Variants in SORCS2 observed in about 807,000 individuals in gnomAD.
The protein encoded by SORCS2 is sortilin related VPS10 domain containing receptor 2, also known as VPS10 domain-containing receptor SorCS2.
A neutral mutation model predicts 141.6 loss-of-function variants in SORCS2; 100 were observed. That is an observed-to-expected ratio of 0.71 (90% confidence interval 0.60 to 0.83). The LOEUF is 0.83. Among genes scored for constraint, SORCS2 ranks in the 40% least tolerant of loss-of-function variants. The pLI is 0.00. For missense variants in SORCS2, 1,646 were observed against 1,560.2 expected, an observed-to-expected ratio of 1.05 and a Z score of -0.93; for synonymous variants, 789 against 676.9, an observed-to-expected ratio of 1.17 and a Z score of -2.57.
chr4:7,587,808 C>A (rs1274123474), intron 3 of SORCS2, among the ~76,000 whole-genome samples: 1 of 152,238 alleles, frequency 6.6e-6, no homozygotes, highest in Admixed American at 6.5e-5. Flanking sequence ...ATGACAGTCA[C>A]CTCCACAGTC....
chr4:7,420,503 C>G (rs1045898932), intron 2 of SORCS2, among the ~76,000 whole-genome samples: 4 of 152,190 alleles, frequency 2.6e-5, no homozygotes, highest in African/African-American at 9.7e-5. Flanking sequence ...TGTGGGGGCA[C>G]TGGAGAGGTT....
intron 1 of SORCS2, among the ~76,000 whole-genome samples, chr4:7,353,977 C>A (rs1326277240): frequency 1.3e-5 from 2 of 152,196 alleles, no homozygotes; most frequent in Non-Finnish European, 2.9e-5. Flanking sequence ...CTACTGGCAG[C>A]CCAAGAAGTA....
chr4:7,356,036 T>A (rs915327334), intron 1 of SORCS2, among the ~76,000 whole-genome samples: 4 of 152,190 alleles, frequency 2.6e-5, no homozygotes, highest in Non-Finnish European at 2.9e-5. Flanking sequence ...TGTCCACGCT[T>A]GTTGCTGCCC....
At chr4:7,362,395 A>T (rs1488190439) in intron 1 of SORCS2, among the ~76,000 whole-genome samples, 1 of 152,110 alleles carries the variant, frequency 6.6e-6, no homozygotes, top group African/African-American at 2.4e-5. Context: ...CTAGTGGAGA[A>T]TCTCAGGCCC....
intron 11 of SORCS2, among the ~76,000 whole-genome samples, chr4:7,690,721 T>G (rs1261943057): frequency 2.0e-5 from 3 of 152,098 alleles, no homozygotes; most frequent in African/African-American, 7.2e-5. Flanking sequence ...GATAGATGGG[T>G]AGGTGGATCA....
intron 2 of SORCS2, among the ~76,000 whole-genome samples, chr4:7,489,309 A>G (rs1013560262): frequency 6.6e-6 from 1 of 152,100 alleles, no homozygotes; most frequent in African/African-American, 2.4e-5. Flanking sequence ...GCCATTTCCA[A>G]GCACCCTAAA....
intron 1 of SORCS2, among the ~76,000 whole-genome samples, chr4:7,339,780 G>A (rs1012727487): frequency 2.6e-5 from 4 of 152,182 alleles, no homozygotes; most frequent in African/African-American, 4.8e-5. Context: ...GGGAGAAAGC[G>A]AAGAACCAGC....
chr4:7,292,851 C>T lies in SORCS2; in HGVS notation c.480+99725C>T, dbSNP rs143082248. Among the ~76,000 whole-genome samples the T allele has an allele frequency of 2.3e-3, 356 of 152,318 alleles. 1 individual carries two copies. The highest frequency in any genetic ancestry group is 8.1e-3 in the African/African-American group (338 of 41,550). Reference sequence around the variant, plus strand: ...TGGGCAGTGTGCTGAATTTCTTTTCCAGAAGGCATTTACTAATTAAAAAGG... The same window carrying T: ...TGGGCAGTGTGCTGAATTTCTTTTCTAGAAGGCATTTACTAATTAAAAAGG... On this transcript the variant is annotated intron_variant, in intron 1 of 26. Transcript: ENST00000507866.
intron 1 of SORCS2, among the ~76,000 whole-genome samples, chr4:7,366,578 C>T (rs1721912193): frequency 6.7e-6 from 1 of 148,896 alleles, no homozygotes; most frequent in African/African-American, 2.5e-5. Flanking sequence ...TTGCTAGTTT[C>T]TGTCTTTGCA....
intron 14 of SORCS2, among the ~76,000 whole-genome samples, chr4:7,710,464 G>C (rs1725755449): frequency 6.6e-6 from 1 of 152,234 alleles, no homozygotes; most frequent in Admixed American, 6.5e-5. Flanking sequence ...GGCCACAGGA[G>C]AGTGTGAGGA....
intron 20 of SORCS2, among the ~76,000 whole-genome samples, chr4:7,725,791 G>T: frequency 6.6e-6 from 1 of 152,212 alleles, no homozygotes; most frequent in Non-Finnish European, 1.5e-5. Flanking sequence ...GCAAGACCCA[G>T]TGAAGGGCAT....
intron 1 of SORCS2, among the ~76,000 whole-genome samples, chr4:7,373,276 A>C (rs1436881541): frequency 6.6e-6 from 1 of 150,854 alleles, no homozygotes; most frequent in African/African-American, 2.4e-5. Flanking sequence ...TCATTCTAAT[A>C]AGTGTGTAGT....
At position 7,372,711 on chromosome 4, in the gene SORCS2, C is replaced by A. The variant is rs1301743222; in HGVS notation, c.481-23577C>A. On this transcript the variant is annotated intron_variant, in intron 1 of 26. Coordinates refer to ENST00000507866, the MANE Select transcript of SORCS2 (RefSeq NM_020777.3). ...GATAAAGAACATTTCCCTCACCCCC[C>A]AGAAGTTCCCCTGTGCCCTTTGTGG... 3.9e-5 allele frequency among the ~76,000 whole-genome samples: 6 copies of A among 152,206 alleles called. No individual in the cohort carries two copies. The South Asian group carries it at 1.0e-3, about 26-fold the overall frequency.
rs1370106635 is a variant in SORCS2, at chr4:7,592,957, T to C, written c.649-45371T>C. 2.0e-5 allele frequency among the ~76,000 whole-genome samples: 3 copies of C among 152,230 alleles called. No homozygotes were observed. The East Asian group carries it at 5.8e-4, about 29-fold the overall frequency. On this transcript the variant is annotated intron_variant, in intron 3 of 26. Coordinates refer to ENST00000507866, the MANE Select transcript of SORCS2 (RefSeq NM_020777.3). ...GGAGGTGCTGCTTGGGTTAATCTACTGCTGTGTGTGTGACAACGTATCCCA... is the reference window on the plus strand; with the variant it reads ...GGAGGTGCTGCTTGGGTTAATCTACCGCTGTGTGTGTGACAACGTATCCCA...
In SORCS2 at chr4:7,690,266, AGAT is replaced by A. The variant is rs983498939; in HGVS notation, c.1591+681_1591+683del. On this transcript the variant is annotated intron_variant, in intron 11 of 26. Coordinates refer to ENST00000507866, the MANE Select transcript of SORCS2 (RefSeq NM_020777.3). ...ATAGATGCTGAATTGATAGATGGAT[AGAT>A]GAATGTATGAATGATGCATGATGGA... 1.7e-4 allele frequency among the ~76,000 whole-genome samples: 23 copies of A among 134,556 alleles called. No homozygotes were observed. The Admixed American group carries it at 1.8e-3, about 10-fold the overall frequency. 88.3% of individuals were successfully genotyped at this position (134,556 alleles called of 152,430 possible).
At chr4:7,569,678 A>C (rs1715253713) in intron 3 of SORCS2, among the ~76,000 whole-genome samples, 1 of 152,168 alleles carries the variant, frequency 6.6e-6, no homozygotes, top group Non-Finnish European at 1.5e-5. Flanking sequence ...AGGACGTGGA[A>C]TCATAAGTCC....
At chr4:7,443,565 C>G (rs1219167316) in intron 2 of SORCS2, among the ~76,000 whole-genome samples, 2 of 152,214 alleles carry the variant, frequency 1.3e-5, no homozygotes, top group Non-Finnish European at 2.9e-5. Context: ...GGCCCCAACT[C>G]CAGACATTTA....
intron 1 of SORCS2, among the ~76,000 whole-genome samples, chr4:7,375,075 T>C (rs1388543187): frequency 6.6e-6 from 1 of 152,148 alleles, no homozygotes; most frequent in Non-Finnish European, 1.5e-5. Context: ...GGGTAAGTCA[T>C]GGTGATTCGA....
At chr4:7,224,664 A>G (rs1427776015) in intron 1 of SORCS2, among the ~76,000 whole-genome samples, 1 of 152,228 alleles carries the variant, frequency 6.6e-6, no homozygotes, top group Non-Finnish European at 1.5e-5. Flanking sequence ...ACCTCCCCCC[A>G]GGCCCCACCG....
Sources: allele counts gnomAD v4.1 joint callset (sites outside exome capture counted in the v4.1 genomes callset), GRCh38; gene constraint gnomAD v4.1.1; transcripts MANE v1.5; gene names NCBI Gene and HGNC (gene_info 2026-07-23, HGNC 2026-07-21).